Variants in NCSTN observed in about 807,000 individuals in gnomAD.
The protein encoded by NCSTN is nicastrin, also known as anterior pharynx-defective 2.
In NCSTN, 22 loss-of-function variants were observed where a neutral mutation model predicts 87.0. That is an observed-to-expected ratio of 0.25 (90% CI 0.18 to 0.36). The LOEUF is 0.36. Among genes scored for constraint, NCSTN ranks in the 10% least tolerant of loss-of-function variants. NCSTN has a pLI of 1.00. For synonymous variants in NCSTN, 306 were observed against 327.1 expected, an observed-to-expected ratio of 0.94 and a Z score of 0.69; for missense variants, 693 against 883.3, an observed-to-expected ratio of 0.78 and a Z score of 2.73.
chr1:160,344,520 A>G (rs1314667194), intron 1 of NCSTN: 1 of 1,548,534 alleles, frequency 6.5e-7, no homozygotes, highest in Non-Finnish European at 8.7e-7. Context: ...TAACCCTTTG[A>G]GGCACATAGC....
At chr1:160,356,219 T>A (rs1649121884) in intron 13 of NCSTN, 41 bp from the exon 14 acceptor site, 7 of 1,513,142 alleles carry the variant, frequency 4.6e-6, no homozygotes, top group Non-Finnish European at 6.4e-6. Flanking sequence ...TGGGCTCCCT[T>A]CAAGTCACAG....
In NCSTN at chr1:160,351,688, C is replaced by T. The variant is rs1648846595; in HGVS notation, c.734-8C>T. The stretch of plus-strand genomic sequence containing the variant: ...TTGTTGATCTCTCATTGTTTGTGTC[C>T]TGCTTAGAAATCGTCTGTGACCCCC... On this transcript the variant is annotated splice_polypyrimidine_tract_variant and splice_region_variant and intron_variant, in intron 6 of 16. Coordinates refer to ENST00000294785, the MANE Select transcript of NCSTN (RefSeq NM_015331.3). 6.3e-7 allele frequency: 1 copy of T among 1,577,398 alleles called. No individual in the cohort carries two copies. Among genetic ancestry groups the T allele is most frequent in the African/African-American group, 1.4e-5 (1 of 74,054 alleles).
intron 2 of NCSTN, 102 bp from the exon 3 acceptor site, chr1:160,348,897 T>C (rs1051731712): frequency 6.5e-7 from 1 of 1,535,748 alleles, no homozygotes; most frequent in African/African-American, 1.4e-5. Flanking sequence ...CACCCAAATA[T>C]GTTGTGACAT....
chr1:160,353,157 C>T lies in NCSTN; in HGVS notation c.1102-3C>T, dbSNP rs761044931. ...AAGTGTTGTTTCTTCATCCTCCCCC[C>T]AGGTGGCCTTAAGAACTTCATTAGA... On this transcript the variant is annotated splice_region_variant and splice_polypyrimidine_tract_variant and intron_variant, in intron 9 of 16. Coordinates refer to ENST00000294785, the MANE Select transcript of NCSTN (RefSeq NM_015331.3). 1.2e-6 allele frequency: 2 copies of T among 1,614,056 alleles called. No homozygotes were observed. The highest frequency in any genetic ancestry group is 1.7e-5 in the Admixed American group (1 of 60,026).
At chr1:160,344,872 T>C (rs1164836813) in intron 2 of NCSTN, 46 bp downstream of exon 2, 1 of 1,486,642 alleles carries the variant, frequency 6.7e-7, no homozygotes, top group Admixed American at 1.7e-5. Flanking sequence ...TATTTGTCTG[T>C]GCCCTAGATA....
intron 14 of NCSTN, 56 bp from the exon 15 acceptor site, chr1:160,356,544 C>T (rs1402377279): frequency 7.5e-6 from 12 of 1,607,648 alleles, no homozygotes; most frequent in Non-Finnish European, 1.0e-5. Context: ...TGGGCTTTTC[C>T]TATTTCACCC....
At chr1:160,351,478 A>G in intron 6 of NCSTN, 106 bp downstream of exon 6, 2 of 1,412,638 alleles carry the variant, frequency 1.4e-6, no homozygotes, top group Admixed American at 1.8e-5. Context: ...AGTAGACACC[A>G]TGAAGGAGCT....
chr1:160,343,884 A>T (rs1273580651), intron 1 of NCSTN: 1 of 418,002 alleles, frequency 2.4e-6, no homozygotes, highest in East Asian at 7.7e-5. Flanking sequence ...TGCGGCGCTT[A>T]AAAGGTGGAT....
Position 160,358,146 on chromosome 1 carries a change from C to T in NCSTN, c.2008-3C>T. ...TCCTTTCCTGCCCTCCCTCCCCCTG[C>T]AGTTGATCACCCTGACAGTGGGCTT... On this transcript the variant is annotated splice_region_variant and splice_polypyrimidine_tract_variant and intron_variant, in intron 16 of 16. Transcript: ENST00000294785. The T allele has an allele frequency of 6.2e-7, 1 of 1,614,144 alleles. No homozygotes were observed. The highest frequency in any genetic ancestry group is 1.3e-5 in the African/African-American group (1 of 75,038).
At chr1:160,348,928 G>C (rs953242435) in intron 2 of NCSTN, 71 bp from the exon 3 acceptor site, 1 of 1,601,386 alleles carries the variant, frequency 6.2e-7, no homozygotes, top group Admixed American at 1.7e-5. Flanking sequence ...TAAAAGATAC[G>C]CAGAATCAGT....
At chr1:160,346,772 A>AT (rs1345756553) in intron 2 of NCSTN, among the ~76,000 whole-genome samples, 1 of 151,842 alleles carries the variant, frequency 6.6e-6, no homozygotes, top group Non-Finnish European at 1.5e-5. Context: ...TGCCCAGCTA[A>AT]TTTTTTGTAT....
intron 14 of NCSTN, 42 bp downstream of exon 14, chr1:160,356,389 G>C (rs755135340): frequency 6.5e-7 from 1 of 1,530,534 alleles, no homozygotes; most frequent in Non-Finnish European, 9.1e-7. Context: ...GCTGAGGAAA[G>C]GGATAGAGAA....
chr1:160,353,117 C>T, intron 9 of NCSTN, 43 bp from the exon 10 acceptor site: 1 of 1,603,614 alleles, frequency 6.2e-7, no homozygotes, highest in Non-Finnish European at 8.5e-7. Flanking sequence ...TGGCCCAGAA[C>T]AGGAGACTGA....
rs762952922 is a variant in NCSTN at position 160,351,749 on chromosome 1, A to G, written c.787A>G (p.Ile263Val). The change falls in exon 7 of 17, where the codon ATA becomes GTA. Residue 263 changes from isoleucine (I) to valine (V), a missense_variant. Ile to Val is a conservative substitution (Grantham distance 29). This residue lies in a region of NCSTN where 134 missense variants were observed against 226.0 expected (regional missense o/e 0.59). Coordinates refer to ENST00000294785, the MANE Select transcript of NCSTN (RefSeq NM_015331.3). ...DYNVWSMLKPINTTGTLKPDD... is the reference protein window; with the variant it reads ...DYNVWSMLKPVNTTGTLKPDD... ...CAATGTGTGGAGCATGCTAAAGCCTATAAATACAACTGGGACATTAAAGCC... is the reference window on the plus strand; with the variant it reads ...CAATGTGTGGAGCATGCTAAAGCCTGTAAATACAACTGGGACATTAAAGCC... 18 of 1,613,660 alleles carry G rather than the reference A, an allele frequency of 1.1e-5. No homozygotes were observed. The highest frequency in any genetic ancestry group is 2.2e-5 in the South Asian group (2 of 91,080).
chr1:160,350,018 A>C, intron 4 of NCSTN, 87 bp from the exon 5 acceptor site: 1 of 1,503,544 alleles, frequency 6.7e-7, no homozygotes, highest in South Asian at 1.1e-5. Context: ...TCTTAGTCCC[A>C]ACTGAAAGAT....
At position 160,356,685 on chromosome 1, in the gene NCSTN, T is replaced by G. The variant is rs771845977; in HGVS notation, c.1725T>G (p.Thr575=). The G allele has an allele frequency of 6.2e-7, 1 of 1,614,222 alleles. No homozygotes were observed. The highest frequency in any genetic ancestry group is 8.5e-7 in the Non-Finnish European group (1 of 1,180,040). ...TACAGTATGCCTTGGCAAATTTGAC[T>G]GGCACAGTGGTCAACCTCACCCGAG... is the stretch of plus-strand genomic sequence containing the variant. ...YVVQYALANL[T]GTVVNLTREQ... Residue 575 remains threonine (T), a synonymous_variant, in exon 15 of 17, where the codon ACT becomes ACG. Transcript: ENST00000294785.
At chr1:160,345,055 A>C (rs556515908) in intron 2 of NCSTN, 25 of 602,848 alleles carry the variant, frequency 4.1e-5, no homozygotes, top group Non-Finnish European at 6.8e-5. Flanking sequence ...CCCAACCACA[A>C]CCCCACAAAA....
intron 2 of NCSTN, among the ~76,000 whole-genome samples, chr1:160,348,068 T>C (rs1377507654): frequency 1.3e-5 from 2 of 152,242 alleles, no homozygotes; most frequent in East Asian, 3.8e-4. Flanking sequence ...CAGCCAGGGC[T>C]GAGAACTACT....
intron 2 of NCSTN, among the ~76,000 whole-genome samples, chr1:160,346,630 C>T (rs1267399407): frequency 1.3e-5 from 2 of 150,102 alleles, no homozygotes; most frequent in Non-Finnish European, 3.0e-5. Flanking sequence ...TTTTGAGATG[C>T]AGTCTCGCCC....
Sources: gnomAD v4.1 joint callset for allele counts (sites outside exome capture counted in the v4.1 genomes callset) on GRCh38, gnomAD v4.1.1 for gene constraint, gnomAD v4.1.1 regional missense constraint, MANE v1.5 for transcripts, NCBI Gene and HGNC (gene_info 2026-07-23, HGNC 2026-07-21) for gene names.